Variants in PDE10A observed in about 807,000 individuals in gnomAD.
The protein encoded by PDE10A is cAMP and cAMP-inhibited cGMP 3',5'-cyclic phosphodiesterase 10A.
In PDE10A, 39 loss-of-function variants were observed where a neutral mutation model predicts 97.7. That is an observed-to-expected ratio of 0.40 (90% CI 0.31 to 0.52). The LOEUF is 0.52. Ranked by LOEUF, PDE10A falls within the 20% of genes least tolerant of loss-of-function variation. The probability of loss-of-function intolerance (pLI) is 0.56; values close to 1 mark genes in which losing one functional copy is unlikely to be tolerated. For synonymous variants in PDE10A, 371 were observed against 376.8 expected, an observed-to-expected ratio of 0.98 and a Z score of 0.18; for missense variants, 731 against 1,047.8, an observed-to-expected ratio of 0.70 and a Z score of 4.17.
At chr6:165,949,721 G>T (rs1783892666) in intron 1 of PDE10A, 1 of 152,194 alleles carries the variant, frequency 6.6e-6, no homozygotes, top group African/African-American at 2.4e-5. Flanking sequence ...ATAATGAGGT[G>T]TCTGAAAAAT....
intron 18 of PDE10A, among the ~76,000 whole-genome samples, chr6:165,359,419 C>T (rs541813169): frequency 6.6e-6 from 1 of 152,164 alleles, no homozygotes; most frequent in Non-Finnish European, 1.5e-5. Flanking sequence ...TGTTTTTGCT[C>T]TCCATGATTT....
intron 1 of PDE10A, among the ~76,000 whole-genome samples, chr6:165,547,873 C>T (rs896424810): frequency 6.6e-6 from 1 of 152,318 alleles, no homozygotes; most frequent in East Asian, 1.9e-4. Context: ...AGAAATCTTA[C>T]AAGCTTCTCA....
At chr6:165,961,844 C>A (rs1784369518) in intron 1 of PDE10A, among the ~76,000 whole-genome samples, 1 of 152,322 alleles carries the variant, frequency 6.6e-6, no homozygotes, top group African/African-American at 2.4e-5. Flanking sequence ...TCTTCTTAGC[C>A]AAGATCCACC....
intron 18 of PDE10A, among the ~76,000 whole-genome samples, chr6:165,346,379 A>AAAGAC (rs1782310463): frequency 6.6e-6 from 1 of 152,180 alleles, no homozygotes; most frequent in African/African-American, 2.4e-5. Flanking sequence ...TAAGAGTTAT[A>AAAGAC]AAGACAAGGC....
chr6:165,604,760 A>C (rs1177664046), intron 1 of PDE10A, among the ~76,000 whole-genome samples: 1 of 152,220 alleles, frequency 6.6e-6, no homozygotes, highest in Non-Finnish European at 1.5e-5. Context: ...AAGCTGCTAA[A>C]GGTACCATTC....
chr6:165,669,762 T>A (rs894533613), intron 1 of PDE10A, among the ~76,000 whole-genome samples: 53 of 152,334 alleles, frequency 3.5e-4, no homozygotes, highest in Middle Eastern at 3.4e-3. Flanking sequence ...TGTCCTGCCC[T>A]AAACTTTCCT....
At chr6:165,708,307 G>C (rs1377906338) in intron 1 of PDE10A, among the ~76,000 whole-genome samples, 2 of 152,008 alleles carry the variant, frequency 1.3e-5, no homozygotes, top group South Asian at 2.1e-4. Flanking sequence ...CCGTCACACC[G>C]GGCCTCCCCC....
chr6:165,525,048 CA>C (rs1201863299), intron 2 of PDE10A, among the ~76,000 whole-genome samples: 1 of 152,052 alleles, frequency 6.6e-6, no homozygotes, highest in African/African-American at 2.4e-5. Context: ...AGGCAGCTGC[CA>C]GGGAAAATGA....
intron 1 of PDE10A, among the ~76,000 whole-genome samples, chr6:165,831,475 A>G (rs1779912621): frequency 2.5e-5 from 1 of 40,138 alleles, no homozygotes; most frequent in Admixed American, 4.3e-4. Context: ...AAATTGCAGG[A>G]GTCTTTTTTT....
At position 165,542,681 on chromosome 6, in the gene PDE10A, C is replaced by T. The variant is rs4709947; in HGVS notation, c.994+759G>A. Among the ~76,000 whole-genome samples the T allele has an allele frequency of 2.6e-3, 359 of 138,144 alleles. 3 individuals are homozygous for T. Among genetic ancestry groups the T allele is most frequent in the Admixed American group, 0.018 (232 of 12,586 alleles). The allele number at this position is 138,144 out of a possible 152,430, so 90.6% of individuals were successfully genotyped here. A position where few individuals can be genotyped will look rare whatever the true frequency, so the allele number is the denominator to read the frequency against. ...TTGCCCAGGCTGGAGTGCAGTGGCG[C>T]GATCTCGGCTCACTGCAAGCTCCGC... On this transcript the variant is annotated intron_variant, in intron 2 of 21. Coordinates refer to ENST00000539869, the MANE Select transcript of PDE10A (RefSeq NM_001385079.1).
chr6:165,797,164 G>A (rs1778852822), intron 1 of PDE10A, among the ~76,000 whole-genome samples: 1 of 152,126 alleles, frequency 6.6e-6, no homozygotes, highest in Non-Finnish European at 1.5e-5. Context: ...GTTGAGCAAG[G>A]ACACTCCACA....
intron 1 of PDE10A, among the ~76,000 whole-genome samples, chr6:165,830,586 TAC>T (rs1180373619): frequency 6.6e-6 from 1 of 152,036 alleles, no homozygotes; most frequent in Non-Finnish European, 1.5e-5. Flanking sequence ...CACCGGGAGT[TAC>T]CCACAAGACC....
intron 1 of PDE10A, among the ~76,000 whole-genome samples, chr6:165,561,870 T>C (rs1215460987): frequency 1.3e-5 from 2 of 152,236 alleles, no homozygotes; most frequent in African/African-American, 4.8e-5. Flanking sequence ...AGCTATCAAA[T>C]TTTAGCATTA....
chr6:165,832,364 A>G (rs1779945210), intron 1 of PDE10A, among the ~76,000 whole-genome samples: 1 of 151,982 alleles, frequency 6.6e-6, no homozygotes, highest in African/African-American at 2.4e-5. Context: ...GAGGTTAACT[A>G]CCTTGTCGAA....
chr6:165,851,985 T>G (rs192138091), intron 1 of PDE10A, among the ~76,000 whole-genome samples: 1 of 152,306 alleles, frequency 6.6e-6, no homozygotes, highest in East Asian at 1.9e-4. Context: ...AAAAATAGAT[T>G]CATATTAATA....
intron 20 of PDE10A, among the ~76,000 whole-genome samples, chr6:165,336,611 CG>C (rs60039152): frequency 0.22 from 32,670 of 151,662 alleles, 3,811 homozygotes; most frequent in African/African-American, 0.27. Context: ...TAGCTGGGCG[CG>C]GTGGCAGGCG....
intron 1 of PDE10A, among the ~76,000 whole-genome samples, chr6:165,795,123 T>A (rs1296778558): frequency 6.6e-6 from 1 of 152,234 alleles, no homozygotes; most frequent in Non-Finnish European, 1.5e-5. Context: ...CCTGTCATCT[T>A]CAGGGACCTG....
chr6:165,965,159 G>A (rs1784474420), intron 1 of PDE10A, among the ~76,000 whole-genome samples: 3 of 152,230 alleles, frequency 2.0e-5, no homozygotes, highest in African/African-American at 7.2e-5. Flanking sequence ...AACCAGAGTT[G>A]TCCAAGTGAG....
Position 165,369,702 on chromosome 6 carries a change from C to T in PDE10A, c.2783+9492G>A, listed in dbSNP as rs142718803. ...TCCCCAACCTAGCAAGGCAGGCCAA[C>T]GTTCAGGTTCAGGAAATACAGAGAA... On this transcript the variant is annotated intron_variant, in intron 18 of 21. Coordinates refer to ENST00000539869, the MANE Select transcript of PDE10A (RefSeq NM_001385079.1). 5.1e-3 allele frequency among the ~76,000 whole-genome samples: 710 copies of T among 138,322 alleles called. 14 individuals carry two copies. The highest frequency in any genetic ancestry group is 0.02 in the African/African-American group (686 of 34,324). 90.7% of individuals were successfully genotyped at this position (138,322 alleles called of 152,430 possible).
Sources: gnomAD v4.1 joint callset for allele counts (sites outside exome capture counted in the v4.1 genomes callset) on GRCh38, gnomAD v4.1.1 for gene constraint, MANE v1.5 for transcripts, NCBI Gene and HGNC (gene_info 2026-07-23, HGNC 2026-07-21) for gene names.